Variants in GATA3 observed in about 807,000 individuals in gnomAD.
GATA3 encodes GATA binding protein 3.
In GATA3, 6 loss-of-function variants were observed where a neutral mutation model predicts 36.0. The ratio of observed to expected loss-of-function variants is 0.17; its 90% CI spans 0.09 to 0.33. The LOEUF (loss-of-function observed/expected upper bound fraction) is 0.33. GATA3 is among the 10% of genes least tolerant of loss of function. The pLI is 1.00. For missense variants in GATA3, 514 were observed against 610.1 expected (o/e 0.84, Z 1.66); for synonymous variants, 326 against 273.0 (o/e 1.19, Z -1.92).
In GATA3 at chr10:8,067,251, C is replaced by T. The variant is rs56139732; in HGVS notation, c.925-2222C>T. Among the ~76,000 whole-genome samples the T allele has an allele frequency of 5.5e-3, 845 of 152,272 alleles. 4 individuals carry two copies. Among genetic ancestry groups the T allele is most frequent in the African/African-American group, 0.019 (800 of 41,556 alleles). On this transcript the variant is annotated intron_variant, in intron 4 of 5. Transcript: ENST00000379328. ...CAATGTGAATTACATTCAAGATGGA[C>T]AGCAAAAGACTCCCATCTTCTCCCT...
rs2131482762 is a variant in GATA3, at chr10:8,055,775, G to A, written c.120G>A (p.Gln40=). 19 of 1,592,182 alleles carry A rather than the reference G, an allele frequency of 1.2e-5. No homozygotes were observed. Among genetic ancestry groups the A allele is most frequent in the Non-Finnish European group, 1.5e-5 (18 of 1,169,408 alleles). The change falls in exon 2 of 6, where the codon CAG becomes CAA. Residue 40 remains glutamine, a synonymous_variant. Coordinates refer to ENST00000379328, the MANE Select transcript of GATA3 (RefSeq NM_001002295.2). This position sits in a 1 kb window ranked among gnomAD's most constrained non-coding sequence, Gnocchi z 5.4. ...GCCACTCCTACATGGACGCGGCGCA[G>A]TACCCGCTGCCGGAGGAGGTGGATG... ...GLSHSYMDAA[Q]YPLPEEVDVL...
chr10:8,062,251 G>A (rs933162397), intron 3 of GATA3, among the ~76,000 whole-genome samples: 7 of 151,742 alleles, frequency 4.6e-5, no homozygotes, highest in Middle Eastern at 3.2e-3. Flanking sequence ...ACTGCAGCGT[G>A]TTTGTGTTTA....
intron 1 of GATA3, among the ~76,000 whole-genome samples, chr10:8,045,846 G>A (rs975822419): frequency 6.6e-6 from 1 of 152,184 alleles, no homozygotes; most frequent in Non-Finnish European, 1.5e-5. Context: ...ACTGCAAGGA[G>A]GGCAGAGGAT....
Position 8,063,076 on chromosome 10 carries a change from G to A in GATA3, c.779-917G>A, listed in dbSNP as rs115480318. 6.2e-3 allele frequency among the ~76,000 whole-genome samples: 948 copies of A among 152,230 alleles called. 10 individuals carry two copies. The highest frequency in any genetic ancestry group is 0.021 in the African/African-American group (881 of 41,534). On this transcript the variant is annotated intron_variant, in intron 3 of 5. Transcript: ENST00000379328. The stretch of plus-strand genomic sequence containing the variant: ...TTCCTACCGGCCTGGCTGGTTTTTC[G>A]TTTATTTTGTTTGTTTGTGTTTTTG...
intron 2 of GATA3, among the ~76,000 whole-genome samples, chr10:8,056,726 A>T (rs2131484875): frequency 6.6e-6 from 1 of 152,200 alleles, no homozygotes; most frequent in South Asian, 2.1e-4. Context: ...CCCCCGTTTA[A>T]ATAAAGGCAA....
At chr10:8,060,902 C>T (rs182998843) in intron 3 of GATA3, among the ~76,000 whole-genome samples, 1 of 152,208 alleles carries the variant, frequency 6.6e-6, no homozygotes, top group East Asian at 1.9e-4. Context: ...TTCTTAATTC[C>T]TTTCTCACAG....
rs759593548 is a variant in GATA3, at chr10:8,064,135, G to C, written c.921G>C (p.Arg307Ser). ...GGCCCCTCATTAAGCCCAAGCGAAG[G>C]CTGGTAAGTTCTCGGGAAGGGATGG... Reference protein sequence around the residue: ...QNRPLIKPKRRLSAARRAGTS... With the variant: ...QNRPLIKPKRSLSAARRAGTS... Residue 307 changes from arginine (R) to serine (S), a missense_variant, in exon 4 of 6, where the codon AGG (arginine) becomes AGC (serine). Coordinates refer to ENST00000379328, the MANE Select transcript of GATA3 (RefSeq NM_001002295.2). The C allele has an allele frequency of 1.2e-6, 2 of 1,614,116 alleles. No individual in the cohort carries two copies. The highest frequency in any genetic ancestry group is 1.7e-6 in the Non-Finnish European group (2 of 1,180,026).
intron 4 of GATA3, among the ~76,000 whole-genome samples, chr10:8,065,407 G>A (rs1453429844): frequency 6.6e-6 from 1 of 151,498 alleles, no homozygotes; most frequent in East Asian, 1.9e-4. Flanking sequence ...AGGGACACCC[G>A]CCCCCACACC....
intron 1 of GATA3, among the ~76,000 whole-genome samples, chr10:8,046,033 G>A (rs1186499477): frequency 6.6e-6 from 1 of 152,194 alleles, no homozygotes; most frequent in East Asian, 1.9e-4. Context: ...TCTGCATCTG[G>A]CATACCCCCG....
At chr10:8,051,065 G>A (rs765646207), upstream of GATA3, 1 of 520,060 alleles carries the variant, frequency 1.9e-6, no homozygotes, top group Non-Finnish European at 3.9e-6. Context: ...AGAAAGCCGC[G>A]CCTCCGCTCT....
Position 8,073,963 on chromosome 10 carries a change from G to A in GATA3, c.1275G>A (p.Pro425=), listed in dbSNP as rs182422967. The change falls in exon 6 of 6, where the codon CCG becomes CCA. Residue 425 remains proline, a synonymous_variant. Transcript: ENST00000379328. ...HMLTTPTPMH[P]PSSLSFGPHH... is the part of the protein sequence containing the mutation. ...TGACCACGCCCACGCCGATGCACCC[G>A]CCATCCAGCCTGTCCTTTGGACCAC... is the stretch of plus-strand genomic sequence containing the variant. The A allele has an allele frequency of 9.5e-5, 154 of 1,614,012 alleles. No individual in the cohort carries two copies. Among genetic ancestry groups the A allele is most frequent in the Non-Finnish European group, 1.1e-4 (131 of 1,179,988 alleles).
intron 5 of GATA3, among the ~76,000 whole-genome samples, chr10:8,070,594 G>A (rs1486048541): frequency 6.6e-6 from 1 of 152,102 alleles, no homozygotes; most frequent in African/African-American, 2.4e-5. Flanking sequence ...GAGGAGACAG[G>A]GACTTTTGCT....
At chr10:8,060,670 C>T (rs1588380528) in intron 3 of GATA3, among the ~76,000 whole-genome samples, 1 of 151,980 alleles carries the variant, frequency 6.6e-6, no homozygotes, top group African/African-American at 2.4e-5. Flanking sequence ...TTTCTTTACC[C>T]TCATTTCCGT....
In GATA3 at chr10:8,058,384, C is replaced by T. The variant is rs1176306450; in HGVS notation, c.321C>T (p.His107=). The change falls in exon 3 of 6, where the codon CAC becomes CAT. Residue 107 remains histidine (H), a synonymous_variant. Coordinates refer to ENST00000379328, the MANE Select transcript of GATA3 (RefSeq NM_001002295.2). ...GCGGCAAAGCCCTGGGCAGCCACCA[C>T]ACCGCCTCCCCCTGGAATCTCAGCC... ...LDGGKALGSH[H]TASPWNLSPF... The T allele has an allele frequency of 5.6e-6, 9 of 1,612,862 alleles. No homozygotes were observed. Among genetic ancestry groups the T allele is most frequent in the South Asian group, 1.1e-5 (1 of 91,082 alleles).
At chr10:8,054,687 C>A (rs1219873308), upstream of GATA3, 1 of 150,238 alleles carries the variant, frequency 6.7e-6, no homozygotes, top group Non-Finnish European at 1.5e-5. This position sits in a 1 kb window ranked among gnomAD's most constrained non-coding sequence, Gnocchi z 4.2. Flanking sequence ...CAGCTGTCTG[C>A]GAACACTGAG....
chr10:8,059,287 C>G (rs1237152479), intron 3 of GATA3, among the ~76,000 whole-genome samples: 1 of 152,232 alleles, frequency 6.6e-6, no homozygotes, highest in Non-Finnish European at 1.5e-5. Flanking sequence ...GTCATTCTGA[C>G]TGTTCCTCTC....
At chr10:8,046,941 C>T (rs1385070400) in intron 1 of GATA3, among the ~76,000 whole-genome samples, 1 of 152,094 alleles carries the variant, frequency 6.6e-6, no homozygotes, top group East Asian at 1.9e-4. Context: ...AAATGCGGAG[C>T]GGCTGCAATC....
intron 5 of GATA3, among the ~76,000 whole-genome samples, chr10:8,069,929 C>T (rs534094240): frequency 1.1e-4 from 16 of 152,104 alleles, no homozygotes; most frequent in East Asian, 3.9e-4. Context: ...AAAAAGCCAC[C>T]GGTCCTATTT....
Position 8,074,965 on chromosome 10 carries a change from C to G in GATA3, c.*942C>G, listed in dbSNP as rs1588392396. ...TTGGATGATATTTATTAAATAGCTT[C>G]TAAGAGTCCGGCGGCATCTGTCTTG... On this transcript the variant is annotated 3_prime_UTR_variant, in exon 6 of 6. Transcript: ENST00000379328. 4.3e-6 allele frequency: 1 copy of G among 233,674 alleles called. No homozygotes were observed. The highest frequency in any genetic ancestry group is 2.2e-5 in the African/African-American group (1 of 45,462). The allele number at this position is 233,674 out of a possible 1,614,324, so 14.5% of individuals were successfully genotyped here. A position where few individuals can be genotyped will look rare whatever the true frequency, so the allele number is the denominator to read the frequency against.
Sources: allele counts gnomAD v4.1 joint callset (sites outside exome capture counted in the v4.1 genomes callset), GRCh38; gene constraint gnomAD v4.1.1; non-coding constraint Gnocchi (gnomAD v3.1); transcripts MANE v1.5; gene names NCBI Gene and HGNC (gene_info 2026-07-23, HGNC 2026-07-21).